The following RBFOX1 variants were observed in gnomAD, a reference collection of about 807,000 sequenced individuals.
The protein encoded by RBFOX1 is RNA binding protein fox-1 homolog 1.
In RBFOX1, 8 loss-of-function variants were observed where a neutral mutation model predicts 57.7. The ratio of observed to expected loss-of-function variants is 0.14; its 90% CI spans 0.08 to 0.25. The LOEUF (loss-of-function observed/expected upper bound fraction) is 0.25. Among genes scored for constraint, RBFOX1 ranks in the 10% least tolerant of loss-of-function variants. The pLI is 1.00. For synonymous variants in RBFOX1, 326 were observed against 222.4 expected (o/e 1.47, Z -4.15); for missense variants, 611 against 548.5 (o/e 1.11, Z -1.14).
At chr16:6,572,755 C>G (rs905115900) in intron 2 of RBFOX1, among the ~76,000 whole-genome samples, 1 of 152,222 alleles carries the variant, frequency 6.6e-6, no homozygotes, top group Non-Finnish European at 1.5e-5. Context: ...ATGCACCCAG[C>G]TAATTTTTTG....
At chr16:7,090,499 C>T (rs1567218594) in intron 4 of RBFOX1, among the ~76,000 whole-genome samples, 1 of 152,070 alleles carries the variant, frequency 6.6e-6, no homozygotes, top group Non-Finnish European at 1.5e-5. Context: ...AATAGTGTGG[C>T]CCCATTAAGC....
chr16:7,656,815 T>C (rs1157487615), intron 12 of RBFOX1, among the ~76,000 whole-genome samples: 3 of 152,140 alleles, frequency 2.0e-5, no homozygotes, highest in African/African-American at 7.2e-5. Flanking sequence ...CAAGAGGATA[T>C]TGTGTGAACA....
intron 1 of RBFOX1, among the ~76,000 whole-genome samples, chr16:6,032,605 G>A (rs1391412068): frequency 6.6e-6 from 1 of 152,092 alleles, no homozygotes; most frequent in South Asian, 2.1e-4. Flanking sequence ...TGGAACAAAT[G>A]CTTGTCTTAA....
chr16:6,239,316 G>GC (rs970807804), intron 1 of RBFOX1, among the ~76,000 whole-genome samples: 6 of 151,718 alleles, frequency 4.0e-5, no homozygotes, highest in African/African-American at 1.2e-4. Flanking sequence ...TTATTTCTGG[G>GC]CCCCACCGTG....
chr16:5,509,051 C>T (rs1381850308), intron 2 of RBFOX1, among the ~76,000 whole-genome samples: 1 of 152,216 alleles, frequency 6.6e-6, no homozygotes, highest in Non-Finnish European at 1.5e-5. Flanking sequence ...ATGTTGGACA[C>T]TAGCTGTGTC....
At chr16:7,652,324 A>G (rs1358650626) in intron 11 of RBFOX1, among the ~76,000 whole-genome samples, 2 of 152,300 alleles carry the variant, frequency 1.3e-5, no homozygotes, top group South Asian at 2.1e-4. Context: ...TGGGGTAATC[A>G]TCAGGCTTAA....
intron 1 of RBFOX1, among the ~76,000 whole-genome samples, chr16:5,353,419 C>T (rs1252764189): frequency 1.3e-5 from 2 of 152,020 alleles, no homozygotes; most frequent in South Asian, 2.1e-4. Flanking sequence ...TTCCCCAGCC[C>T]TCCCCTCTTC....
rs565508918 is a variant in RBFOX1, at chr16:7,578,450, T to C, written c.271-1327T>C. ...TTATTTCAAAATGCGATTCAGGGTG[T>C]GTTAGGAAGGAAAATGCAAATGAAA... On this transcript the variant is annotated intron_variant, in intron 5 of 15. Coordinates refer to ENST00000550418, the MANE Select transcript of RBFOX1 (RefSeq NM_018723.4). Among the ~76,000 whole-genome samples, 5 of 152,292 alleles carry C rather than the reference T, an allele frequency of 3.3e-5. No homozygotes were observed. In the South Asian group the frequency reaches 1.0e-3, roughly 32 times the overall value.
intron 1 of RBFOX1, among the ~76,000 whole-genome samples, chr16:5,309,156 A>G (rs892743287): frequency 2.0e-5 from 3 of 152,190 alleles, no homozygotes; most frequent in Admixed American, 2.0e-4. Context: ...CTGACTTAAA[A>G]TTCCTTTACT....
chr16:7,693,199 A>G (rs375058888), intron 14 of RBFOX1: 14 of 781,536 alleles, frequency 1.8e-5, no homozygotes, highest in Non-Finnish European at 2.9e-5. Context: ...TTTCCTCGCA[A>G]CATCCATTCA....
chr16:6,639,247 C>T (rs2098467704), intron 2 of RBFOX1, among the ~76,000 whole-genome samples: 1 of 152,186 alleles, frequency 6.6e-6, no homozygotes, highest in Admixed American at 6.5e-5. Context: ...GGATGTCTTT[C>T]TGGAATCTGA....
At chr16:5,367,799 A>G (rs1239436680) in intron 1 of RBFOX1, among the ~76,000 whole-genome samples, 2 of 152,198 alleles carry the variant, frequency 1.3e-5, no homozygotes, top group Admixed American at 6.5e-5. Context: ...CCACATCCAG[A>G]AAGTAACACA....
intron 3 of RBFOX1, among the ~76,000 whole-genome samples, chr16:6,816,547 C>G (rs1688574462): frequency 6.6e-6 from 1 of 151,594 alleles, no homozygotes; most frequent in Admixed American, 6.6e-5. Context: ...GAAGACCATC[C>G]TGGCTAACAC....
chr16:6,077,956 G>T (rs559974716), intron 1 of RBFOX1, among the ~76,000 whole-genome samples: 1 of 152,250 alleles, frequency 6.6e-6, no homozygotes, highest in Non-Finnish European at 1.5e-5. Flanking sequence ...CCCAGGAAAT[G>T]AGTGAAGTCT....
chr16:5,868,250 C>A (rs74004658), intron 4 of RBFOX1, among the ~76,000 whole-genome samples: 1 of 152,132 alleles, frequency 6.6e-6, no homozygotes, highest in South Asian at 2.1e-4. Context: ...GACCCAGGTC[C>A]CAGGAGCCCA....
At chr16:7,412,655 T>C (rs1056763838) in intron 4 of RBFOX1, among the ~76,000 whole-genome samples, 1 of 152,248 alleles carries the variant, frequency 6.6e-6, no homozygotes, top group African/African-American at 2.4e-5. Flanking sequence ...TTCTCCCATG[T>C]CTGTTAGACT....
chr16:6,145,030 A>T (rs1033784408), intron 1 of RBFOX1, among the ~76,000 whole-genome samples: 6 of 151,826 alleles, frequency 4.0e-5, no homozygotes, highest in Non-Finnish European at 5.9e-5. Context: ...TAATCATAGT[A>T]TCTCTTTTTT....
At chr16:5,888,607 C>T (rs2057958697) in intron 4 of RBFOX1, among the ~76,000 whole-genome samples, 1 of 151,932 alleles carries the variant, frequency 6.6e-6, no homozygotes, top group African/African-American at 2.4e-5. Context: ...ACCAGCCTGA[C>T]CAACATGGGG....
chr16:5,693,484 T>C (rs2050756428), intron 3 of RBFOX1, among the ~76,000 whole-genome samples: 1 of 152,166 alleles, frequency 6.6e-6, no homozygotes, highest in Non-Finnish European at 1.5e-5. Context: ...GTTCTTTTTT[T>C]TTCTTATACA....
Sources: gnomAD v4.1 joint callset for allele counts (sites outside exome capture counted in the v4.1 genomes callset) on GRCh38, gnomAD v4.1.1 for gene constraint, MANE v1.5 for transcripts, NCBI Gene and HGNC (gene_info 2026-07-23, HGNC 2026-07-21) for gene names.